Variants in CCDC88A observed in about 807,000 individuals in gnomAD.
CCDC88A encodes girdin.
Under a neutral mutation model 234.3 loss-of-function variants are expected in CCDC88A, and 54 were observed. That is an observed-to-expected ratio of 0.23 (90% CI 0.19 to 0.29). The LOEUF (loss-of-function observed/expected upper bound fraction) is 0.29. CCDC88A is among the 10% of genes least tolerant of loss of function. The pLI, the probability that CCDC88A is intolerant of heterozygous loss-of-function variation, is 1.00. For synonymous variants in CCDC88A, 753 were observed against 737.8 expected (o/e 1.02, Z -0.33); for missense variants, 1,832 against 2,123.4 (o/e 0.86, Z 2.70).
At chr2:55,293,697 C>T (rs1047405886) in intron 31 of CCDC88A, 1 of 152,042 alleles carries the variant, frequency 6.6e-6, no homozygotes, top group Non-Finnish European at 1.5e-5. Context: ...CAGGCTGAGT[C>T]CTTATCAGCT....
intron 2 of CCDC88A, among the ~76,000 whole-genome samples, chr2:55,411,952 G>A (rs1574522078): frequency 6.6e-6 from 1 of 151,910 alleles, no homozygotes; most frequent in East Asian, 1.9e-4. Context: ...ATCCAATAAA[G>A]GTAATTAAAA....
At chr2:55,358,890 T>G (rs2902857) in intron 7 of CCDC88A, among the ~76,000 whole-genome samples, 21,632 of 152,064 alleles carry the variant, frequency 0.14, 1,993 homozygotes, top group East Asian at 0.31. Flanking sequence ...CTTCCCTATC[T>G]CTCTGTGAGT....
At position 55,407,464 on chromosome 2, in the gene CCDC88A, G is replaced by GC. The variant is rs1415880401; in HGVS notation, c.164+11351dup. The stretch of plus-strand genomic sequence containing the variant: ...TACTAAAAATACAAAAATTAGCCAG[G>GC]CATGGTGGTGGGTGCCTATAATCCC... On this transcript the variant is annotated intron_variant, in intron 2 of 32. Coordinates refer to ENST00000436346, the MANE Select transcript of CCDC88A (RefSeq NM_001365480.1). Among the ~76,000 whole-genome samples, 8 of 151,610 alleles carry GC rather than the reference G, an allele frequency of 5.3e-5. No individual in the cohort carries two copies. In the South Asian group the frequency reaches 1.0e-3, roughly 20 times the overall value.
chr2:55,322,864 T>A, intron 17 of CCDC88A, 172 bp from the exon 18 acceptor site: 1 of 419,850 alleles, frequency 2.4e-6, no homozygotes, highest in Non-Finnish European at 4.2e-6. Flanking sequence ...CCTTTCCTCC[T>A]AGAAATATAA....
chr2:55,325,383 TA>T (rs1412278492), intron 17 of CCDC88A, among the ~76,000 whole-genome samples: 2 of 152,258 alleles, frequency 1.3e-5, no homozygotes, highest in Admixed American at 6.5e-5. Flanking sequence ...TATTGACTTT[TA>T]TCCTGTGACA....
intron 11 of CCDC88A, 174 bp downstream of exon 11, chr2:55,344,194 A>AAC: frequency 4.9e-6 from 2 of 411,208 alleles, no homozygotes; most frequent in South Asian, 1.9e-4. Context: ...ACAAAAGCAG[A>AAC]AATTTCTACT....
chr2:55,354,466 T>C (rs1010837148), intron 8 of CCDC88A, among the ~76,000 whole-genome samples: 1 of 152,186 alleles, frequency 6.6e-6, no homozygotes, highest in Admixed American at 6.5e-5. Flanking sequence ...ATTTTTAAAC[T>C]TAACTCTTTT....
At chr2:55,349,075 A>G (rs1418084287) in intron 9 of CCDC88A, 1 of 153,074 alleles carries the variant, frequency 6.5e-6, no homozygotes, top group Non-Finnish European at 1.5e-5. Context: ...TAAAATAAAG[A>G]TACTTTTTAA....
intron 22 of CCDC88A, chr2:55,314,229 GCAAAC>G (rs1682692135): frequency 6.6e-6 from 1 of 152,306 alleles, no homozygotes. Context: ...AGATGCAGGA[GCAAAC>G]CCCTGGCCCA....
chr2:55,417,105 A>G (rs1681619254), intron 2 of CCDC88A: 1 of 152,064 alleles, frequency 6.6e-6, no homozygotes, highest in African/African-American at 2.4e-5. Context: ...CAAAATATAC[A>G]TATATTTTTT....
intron 2 of CCDC88A, among the ~76,000 whole-genome samples, chr2:55,406,754 G>C (rs1438145687): frequency 3.4e-5 from 2 of 58,868 alleles, no homozygotes; most frequent in African/African-American, 1.4e-4. Flanking sequence ...GGGAGACCCT[G>C]TCTCAAATAA....
chr2:55,361,915 A>T (rs538900910), intron 7 of CCDC88A: 1 of 154,792 alleles, frequency 6.5e-6, no homozygotes, highest in Admixed American at 6.5e-5. Context: ...TACTTTTCCA[A>T]CCTCAACATG....
intron 8 of CCDC88A, among the ~76,000 whole-genome samples, chr2:55,351,481 G>A (rs1224238851): frequency 6.6e-6 from 1 of 151,890 alleles, no homozygotes. Context: ...CACGTAGCTG[G>A]GACCACAGGC....
Position 55,316,060 on chromosome 2 carries a change from G to C in CCDC88A, c.3801C>G (p.Asp1267Glu). The C allele has an allele frequency of 6.3e-7, 1 of 1,575,514 alleles. No homozygotes were observed. Among genetic ancestry groups the C allele is most frequent in the Non-Finnish European group, 8.7e-7 (1 of 1,153,540 alleles). ...LLKETEVLQT[D>E]HKNLKSLLNN... ...TCAGAAGACTTTTCAAATTTTTATG[G>C]TCAGTTTGTAAAACTTCAGTCTCTT... The change falls in exon 22 of 33, where the codon GAC (aspartate) becomes GAG (glutamate). Residue 1267 changes from aspartate (D) to glutamate (E), a missense_variant. This residue lies in a region of CCDC88A where 1,282 missense variants were observed against 1,543.6 expected (regional missense o/e 0.83). Coordinates refer to ENST00000436346, the MANE Select transcript of CCDC88A (RefSeq NM_001365480.1).
intron 31 of CCDC88A, chr2:55,292,754 G>C (rs918327894): frequency 1.3e-5 from 2 of 152,334 alleles, no homozygotes; most frequent in African/African-American, 4.8e-5. Flanking sequence ...CCAGCTGCTT[G>C]GGAGGCTGAG....
intron 8 of CCDC88A, among the ~76,000 whole-genome samples, chr2:55,353,075 A>G: frequency 6.6e-6 from 1 of 152,228 alleles, no homozygotes; most frequent in East Asian, 1.9e-4. Context: ...ACTAGTTACA[A>G]TACTGGCACA....
intron 1 of CCDC88A, 32 bp downstream of exon 1, chr2:55,418,985 G>A (rs777654897): frequency 1.1e-5 from 17 of 1,602,608 alleles, no homozygotes; most frequent in African/African-American, 2.7e-5. Context: ...AAATAACTCA[G>A]CAAAATATAC....
chr2:55,293,783 G>A (rs774389189), intron 31 of CCDC88A: 12 of 152,130 alleles, frequency 7.9e-5, no homozygotes, highest in African/African-American at 2.9e-4. Flanking sequence ...AAATGGATCA[G>A]GGTTATGGGT....
rs1675198595 is a variant in CCDC88A, at chr2:55,384,569, ACG to A, written c.273+4207_273+4208del. ...TATATGTGTATATATACACATATAT[ACG>A]TATATATGTGTATATATACACATAT... On this transcript the variant is annotated intron_variant, in intron 3 of 32. Coordinates refer to ENST00000436346, the MANE Select transcript of CCDC88A (RefSeq NM_001365480.1). Among the ~76,000 whole-genome samples the A allele has an allele frequency of 3.3e-5, 4 of 119,986 alleles. 2 individuals are homozygous for A. The highest frequency in any genetic ancestry group is 1.4e-4 in the African/African-American group (4 of 28,314). The allele number at this position is 119,986 out of a possible 152,430, so 78.7% of individuals were successfully genotyped here.
Sources: gnomAD v4.1 joint callset for allele counts (sites outside exome capture counted in the v4.1 genomes callset) on GRCh38, gnomAD v4.1.1 for gene constraint, gnomAD v4.1.1 regional missense constraint, MANE v1.5 for transcripts, NCBI Gene and HGNC (gene_info 2026-07-23, HGNC 2026-07-21) for gene names.